The following ENTREP2 variants were observed in gnomAD, a reference collection of about 807,000 sequenced individuals.
ENTREP2 encodes endosomal transmembrane epsin interactor 2, also known as protein ENTREP2.
the ENTREP2 span, among the ~76,000 whole-genome samples, chr15:29,554,371 G>A: frequency 6.6e-6 from 1 of 150,960 alleles, no homozygotes; most frequent in Non-Finnish European, 1.5e-5. Flanking sequence ...AGGAAAGGAT[G>A]GAGGGAGGAA....
the ENTREP2 span, among the ~76,000 whole-genome samples, chr15:29,608,269 G>A: frequency 5.0e-4 from 76 of 152,094 alleles, no homozygotes; most frequent in Non-Finnish European, 8.8e-4. Context: ...GCCATGTTAA[G>A]GAATGCTTTT....
At chr15:29,220,963 G>C in the ENTREP2 span, among the ~76,000 whole-genome samples, 2 of 152,086 alleles carry the variant, frequency 1.3e-5, no homozygotes, top group African/African-American at 4.8e-5. Flanking sequence ...CTGAGTCACA[G>C]GCTTTTAATT....
At chr15:29,242,753 T>A in the ENTREP2 span, among the ~76,000 whole-genome samples, 1 of 152,198 alleles carries the variant, frequency 6.6e-6, no homozygotes, top group Non-Finnish European at 1.5e-5. Context: ...ATGTCAGGGC[T>A]TGGAGAAAAA....
At chr15:29,259,722 A>G in the ENTREP2 span, among the ~76,000 whole-genome samples, 1 of 151,938 alleles carries the variant, frequency 6.6e-6, no homozygotes, top group African/African-American at 2.4e-5. Context: ...CACACCTACA[A>G]TCCCAGCACT....
the ENTREP2 span, among the ~76,000 whole-genome samples, chr15:29,401,421 A>G: frequency 6.6e-6 from 1 of 152,336 alleles, no homozygotes; most frequent in East Asian, 1.9e-4. Context: ...GACCTACTGA[A>G]TTTTCTAAAG....
chr15:29,434,623 G>A, the ENTREP2 span, among the ~76,000 whole-genome samples: 1 of 152,126 alleles, frequency 6.6e-6, no homozygotes, highest in Non-Finnish European at 1.5e-5. Context: ...CACTCTCGCA[G>A]GTTTGACCTG....
At chr15:29,403,665 CTATT>C in the ENTREP2 span, among the ~76,000 whole-genome samples, 232 of 152,314 alleles carry the variant, frequency 1.5e-3, no homozygotes, top group African/African-American at 5.4e-3. Flanking sequence ...AAACCGCACA[CTATT>C]TATGCAAACT....
chr15:29,484,723 T>TA, the ENTREP2 span, among the ~76,000 whole-genome samples: 2 of 152,222 alleles, frequency 1.3e-5, no homozygotes, highest in African/African-American at 4.8e-5. Flanking sequence ...CCTTGCTTCC[T>TA]AAGGGCCTGC....
the ENTREP2 span, among the ~76,000 whole-genome samples, chr15:29,149,795 G>A: frequency 9.8e-5 from 15 of 152,348 alleles, no homozygotes; most frequent in Non-Finnish European, 2.1e-4. Context: ...CCCGGCAGCA[G>A]AGCCGGGGGT....
the ENTREP2 span, among the ~76,000 whole-genome samples, chr15:29,645,889 CTT>C: frequency 6.6e-6 from 1 of 152,126 alleles, no homozygotes; most frequent in African/African-American, 2.4e-5. Flanking sequence ...AGACATAATA[CTT>C]TTGTGGGAAA....
At chr15:29,436,832 G>A in the ENTREP2 span, among the ~76,000 whole-genome samples, 1 of 152,106 alleles carries the variant, frequency 6.6e-6, no homozygotes, top group Admixed American at 6.5e-5. Flanking sequence ...TTTTTCAAAC[G>A]TATCTGTAAC....
the ENTREP2 span, among the ~76,000 whole-genome samples, chr15:29,456,417 GAC>G: frequency 6.6e-6 from 1 of 152,184 alleles, no homozygotes; most frequent in Non-Finnish European, 1.5e-5. Flanking sequence ...TGAATCAAGA[GAC>G]AGACACAGTC....
the ENTREP2 span, among the ~76,000 whole-genome samples, chr15:29,465,071 G>A: frequency 6.6e-6 from 1 of 152,066 alleles, no homozygotes; most frequent in Non-Finnish European, 1.5e-5. Flanking sequence ...ACCTGAGGCA[G>A]TGACGATGCG....
the ENTREP2 span, chr15:29,137,299 T>A: frequency 1.9e-6 from 2 of 1,026,398 alleles, no homozygotes; most frequent in Non-Finnish European, 2.7e-6. Context: ...GGAATGCCTG[T>A]AATTTCAACT....
the ENTREP2 span, among the ~76,000 whole-genome samples, chr15:29,214,747 A>G: frequency 3.8e-4 from 57 of 151,802 alleles, no homozygotes; most frequent in African/African-American, 1.0e-3. Flanking sequence ...ATGTATTTGC[A>G]TGGTTTTGAA....
At chr15:29,336,959 A>G in the ENTREP2 span, among the ~76,000 whole-genome samples, 14 of 152,178 alleles carry the variant, frequency 9.2e-5, no homozygotes, top group African/African-American at 3.1e-4. Flanking sequence ...TGACCCCAGC[A>G]GCTGGGTGAG....
the ENTREP2 span, among the ~76,000 whole-genome samples, chr15:29,357,242 A>T: frequency 2.6e-5 from 4 of 152,244 alleles, no homozygotes; most frequent in Non-Finnish European, 5.9e-5. Flanking sequence ...GGGAGAAAAA[A>T]AAAGAAGCAA....
chr15:29,264,952 ATGT>A, the ENTREP2 span: 3 of 152,208 alleles, frequency 2.0e-5, no homozygotes, highest in Non-Finnish European at 4.4e-5. Context: ...AGAAAACTGT[ATGT>A]TATTACACCA....
chr15:29,225,886 C>G, the ENTREP2 span, among the ~76,000 whole-genome samples: 1 of 152,292 alleles, frequency 6.6e-6, no homozygotes, highest in South Asian at 2.1e-4. Context: ...AGGTATTGGC[C>G]ACGTCCACCA....
Sources: gnomAD v4.1 joint callset for allele counts (sites outside exome capture counted in the v4.1 genomes callset) on GRCh38, gnomAD v4.1.1 for gene constraint, MANE v1.5 for transcripts, NCBI Gene and HGNC (gene_info 2026-07-23, HGNC 2026-07-21) for gene names.